Variants in HEG1 observed in about 807,000 individuals in gnomAD.
HEG1 encodes the protein protein HEG homolog 1.
Under a neutral mutation model 125.6 loss-of-function variants are expected in HEG1, and 56 were observed. That is an observed-to-expected ratio of 0.45 (90% CI 0.36 to 0.56). The LOEUF (loss-of-function observed/expected upper bound fraction) is 0.56, where lower values mean the gene tolerates loss of function less well. HEG1 is among the 20% of genes least tolerant of loss of function. The pLI, the probability that HEG1 is intolerant of heterozygous loss-of-function variation, is 0.00. For missense variants in HEG1, 1,523 were observed against 1,670.0 expected, an observed-to-expected ratio of 0.91 and a Z score of 1.53; for synonymous variants, 644 against 668.5, an observed-to-expected ratio of 0.96 and a Z score of 0.57.
Position 125,013,012 on chromosome 3 carries a change from G to C in HEG1, c.2567C>G (p.Thr856Ser). Residue 856 changes from threonine (T) to serine (S), a missense_variant, in exon 6 of 17, where the codon ACT (threonine) becomes AGT (serine). By Grantham distance (58) the Thr-to-Ser change is moderately conservative (BLOSUM62 1). Coordinates refer to ENST00000311127, the MANE Select transcript of HEG1 (RefSeq NM_020733.2). The stretch of plus-strand genomic sequence containing the variant: ...TGCTGTGCTTGACAGGGTGCCAGGA[G>C]TGGTCATAAGAGGCTGAGAGGTCTT... ...ILKTSQPLMT[T>S]PGTLSSTASL... is the part of the protein sequence containing the mutation. 6.2e-7 allele frequency: 1 copy of C among 1,614,082 alleles called. No individual in the cohort carries two copies. The highest frequency in any genetic ancestry group is 8.5e-7 in the Non-Finnish European group (1 of 1,179,908).
intron 9 of HEG1, 62 bp from the exon 10 acceptor site, chr3:125,002,377 C>T (rs1937014193): frequency 1.4e-6 from 2 of 1,429,852 alleles, no homozygotes; most frequent in Non-Finnish European, 1.9e-6. Flanking sequence ...GACCTAGAAC[C>T]AGTTTCCTAT....
chr3:124,997,991 A>G (rs931831179), intron 11 of HEG1, among the ~76,000 whole-genome samples, 168 bp from the exon 12 acceptor site: 1 of 152,186 alleles, frequency 6.6e-6, no homozygotes, highest in East Asian at 1.9e-4. Context: ...TCAGGAGTCC[A>G]TCTGTACTGC....
Position 125,019,560 on chromosome 3 carries a change from C to A in HEG1, c.1290G>T (p.Val430=). The change falls in exon 5 of 17, where the codon GTG becomes GTT. Residue 430 remains valine (V), a synonymous_variant. Coordinates refer to ENST00000311127, the MANE Select transcript of HEG1 (RefSeq NM_020733.2). ...GEHQLASSSE[V]QNGSPMSQTE... ...TCTGAGACATGGGACTTCCATTTTG[C>A]ACCTCAGAGCTGCTGGCAAGCTGAT... 6.2e-7 allele frequency: 1 copy of A among 1,607,338 alleles called. No individual in the cohort carries two copies. The highest frequency in any genetic ancestry group is 8.5e-7 in the Non-Finnish European group (1 of 1,174,262).
chr3:124,986,389 C>G (rs973430018), intron 14 of HEG1, among the ~76,000 whole-genome samples: 4 of 152,060 alleles, frequency 2.6e-5, no homozygotes, highest in Admixed American at 2.6e-4. Context: ...GCAGTCAGAG[C>G]CCTGCTATTT....
intron 14 of HEG1, among the ~76,000 whole-genome samples, chr3:124,979,493 G>A (rs572039609): frequency 6.6e-6 from 1 of 152,176 alleles, no homozygotes; most frequent in South Asian, 2.1e-4. Context: ...AATATTAAAA[G>A]CTTTAATTAA....
chr3:125,002,433 G>A (rs750835182), intron 9 of HEG1, 118 bp from the exon 10 acceptor site: 26 of 847,736 alleles, frequency 3.1e-5, no homozygotes, highest in South Asian at 4.9e-5. Context: ...TTATCAGCAC[G>A]CGGCTTTGCA....
chr3:125,017,596 A>G (rs1937270229), intron 5 of HEG1, among the ~76,000 whole-genome samples: 2 of 152,228 alleles, frequency 1.3e-5, no homozygotes, highest in Non-Finnish European at 2.9e-5. Flanking sequence ...AGATGTAGCA[A>G]CATCAGAACA....
chr3:125,044,485 C>T (rs1045471136), intron 1 of HEG1, among the ~76,000 whole-genome samples: 18 of 152,160 alleles, frequency 1.2e-4, no homozygotes, highest in African/African-American at 4.3e-4. Flanking sequence ...CCACTCCATG[C>T]CAGCCACTGT....
chr3:124,973,166 C>T (rs1003544863), intron 16 of HEG1, among the ~76,000 whole-genome samples: 4 of 151,946 alleles, frequency 2.6e-5, no homozygotes, highest in Admixed American at 6.6e-5. Flanking sequence ...GAACCACAGG[C>T]GAGCACCACC....
intron 11 of HEG1, among the ~76,000 whole-genome samples, chr3:125,001,514 A>G (rs1936998825): frequency 6.6e-6 from 1 of 152,156 alleles, no homozygotes; most frequent in African/African-American, 2.4e-5. Context: ...GGAACTTTTC[A>G]GTGGAAAAAG....
intron 5 of HEG1, among the ~76,000 whole-genome samples, 173 bp from the exon 6 acceptor site, chr3:125,014,163 C>A (rs970653414): frequency 6.6e-6 from 1 of 152,100 alleles, no homozygotes; most frequent in South Asian, 2.1e-4. Flanking sequence ...ACATTGTGGG[C>A]AGGCAGGAGT....
intron 1 of HEG1, among the ~76,000 whole-genome samples, chr3:125,053,717 A>G (rs1937866784): frequency 6.6e-6 from 1 of 152,184 alleles, no homozygotes; most frequent in Non-Finnish European, 1.5e-5. Flanking sequence ...CTGCAAAGGA[A>G]TCAAACTGGG....
chr3:125,006,360 C>G (rs1189521417), intron 8 of HEG1, among the ~76,000 whole-genome samples: 1 of 152,140 alleles, frequency 6.6e-6, no homozygotes, highest in Non-Finnish European at 1.5e-5. Context: ...GGGCAGGCAA[C>G]CAAAATTTAG....
At chr3:124,987,946 C>T (rs1208031205) in intron 14 of HEG1, among the ~76,000 whole-genome samples, 1 of 82,034 alleles carries the variant, frequency 1.2e-5, no homozygotes, top group Admixed American at 1.4e-4. Flanking sequence ...CACACACACA[C>T]ACACACATAT....
At chr3:125,024,702 C>A (rs1020927721) in intron 3 of HEG1, among the ~76,000 whole-genome samples, 1 of 152,222 alleles carries the variant, frequency 6.6e-6, no homozygotes, top group Non-Finnish European at 1.5e-5. Context: ...ACTATCCCAG[C>A]CTCGGAAGAG....
chr3:125,042,023 C>T lies in HEG1; in HGVS notation c.317-12535G>A, dbSNP rs1226253218. ...AAAAATTTCAGTAAACAGATGGTGA[C>T]GATGATTGCAACAACATTGTGATTG... On this transcript the variant is annotated intron_variant, in intron 1 of 16. Transcript: ENST00000311127. 3.9e-5 allele frequency among the ~76,000 whole-genome samples: 6 copies of T among 152,096 alleles called. No homozygotes were observed. The South Asian group carries it at 6.2e-4, about 16-fold the overall frequency.
At chr3:125,023,007 A>C (rs1937358645) in intron 3 of HEG1, among the ~76,000 whole-genome samples, 1 of 152,174 alleles carries the variant, frequency 6.6e-6, no homozygotes, top group African/African-American at 2.4e-5. Context: ...CAGCCTGGCC[A>C]ACATGGTGAA....
At chr3:125,037,871 G>T (rs1332441588) in intron 1 of HEG1, among the ~76,000 whole-genome samples, 2 of 152,208 alleles carry the variant, frequency 1.3e-5, no homozygotes, top group Non-Finnish European at 2.9e-5. Context: ...TCTTAAGTGA[G>T]ATCCTTAATT....
At chr3:124,972,918 T>G (rs1358614019) in intron 16 of HEG1, among the ~76,000 whole-genome samples, 1 of 152,204 alleles carries the variant, frequency 6.6e-6, no homozygotes, top group South Asian at 2.1e-4. Flanking sequence ...ATTCTAAACC[T>G]GAGAAGTGCT....
Sources: allele counts gnomAD v4.1 joint callset (sites outside exome capture counted in the v4.1 genomes callset), GRCh38; gene constraint gnomAD v4.1.1; transcripts MANE v1.5; gene names NCBI Gene and HGNC (gene_info 2026-07-23, HGNC 2026-07-21).